The following TCF4 variants were observed in gnomAD, a reference collection of about 807,000 sequenced individuals.
TCF4 encodes SL3-3 enhancer factor 2.
TCF4 carries 3 observed loss-of-function variants against 82.1 expected under a neutral mutation model. The observed-to-expected ratio is 0.04, with a 90% CI of 0.02 to 0.09. The LOEUF (loss-of-function observed/expected upper bound fraction) is 0.09, where lower values mean the gene tolerates loss of function less well. Among genes scored for constraint, TCF4 ranks in the 10% least tolerant of loss-of-function variants. The pLI, the probability that TCF4 is intolerant of heterozygous loss-of-function variation, is 1.00. For synonymous variants in TCF4, 276 were observed against 309.6 expected (o/e 0.89, Z 1.14); for missense variants, 518 against 852.7 (o/e 0.61, Z 4.89).
intron 6 of TCF4, among the ~76,000 whole-genome samples, chr18:55,385,901 G>A (rs1210117305): frequency 1.3e-5 from 2 of 152,214 alleles, no homozygotes; most frequent in Non-Finnish European, 2.9e-5. Flanking sequence ...GCTACTGGGT[G>A]CCAAAGCTGC....
intron 3 of TCF4, among the ~76,000 whole-genome samples, chr18:55,562,545 G>A (rs2097363986): frequency 6.6e-6 from 1 of 152,094 alleles, no homozygotes; most frequent in Non-Finnish European, 1.5e-5. Flanking sequence ...CCTCACAACT[G>A]GGCAGCCCCC....
chr18:55,302,681 T>C (rs1358417684), intron 8 of TCF4: 1 of 1,402,834 alleles, frequency 7.1e-7, no homozygotes, highest in Non-Finnish European at 9.5e-7. Flanking sequence ...TGGGAGGGCC[T>C]AGGATGAGAC....
intron 2 of TCF4, among the ~76,000 whole-genome samples, chr18:55,621,669 TAATATAC>T (rs1568500974): frequency 1.6e-4 from 6 of 36,542 alleles, no homozygotes; most frequent in African/African-American, 5.0e-4. Context: ...ATACATTATA[TAATATAC>T]ATTATATATT....
intron 3 of TCF4, among the ~76,000 whole-genome samples, chr18:55,549,383 T>C (rs959416476): frequency 1.6e-4 from 25 of 152,304 alleles, no homozygotes; most frequent in Admixed American, 1.6e-3. Context: ...CTTATAAGCT[T>C]CTTAACTCTT....
At chr18:55,347,133 C>CT (rs2081344167) in intron 8 of TCF4, among the ~76,000 whole-genome samples, 1 of 152,052 alleles carries the variant, frequency 6.6e-6, no homozygotes, top group South Asian at 2.1e-4. Context: ...GATTCAAGAG[C>CT]TTAGACATGC....
At chr18:55,241,947 T>C (rs892306662) in intron 15 of TCF4, among the ~76,000 whole-genome samples, 9 of 152,224 alleles carry the variant, frequency 5.9e-5, no homozygotes, top group African/African-American at 1.9e-4. Context: ...CCAGGACCAA[T>C]GCAGTTCCCT....
intron 14 of TCF4, 91 bp downstream of exon 14, chr18:55,257,224 G>A (rs1475050606): frequency 2.9e-6 from 4 of 1,368,072 alleles, no homozygotes; most frequent in Non-Finnish European, 2.1e-6. Context: ...TACTAACAGG[G>A]AAAATCAAAA....
At chr18:55,236,295 A>C (rs566090947) in intron 15 of TCF4, among the ~76,000 whole-genome samples, 1 of 152,218 alleles carries the variant, frequency 6.6e-6, no homozygotes, top group South Asian at 2.1e-4. Flanking sequence ...GAACTTTCTG[A>C]ATGGTGGTTA....
At chr18:55,296,257 A>G (rs1282845802) in intron 8 of TCF4, among the ~76,000 whole-genome samples, 2 of 152,178 alleles carry the variant, frequency 1.3e-5, no homozygotes, top group Non-Finnish European at 2.9e-5. Context: ...GTGCATGTCA[A>G]TGACTTACCA....
At chr18:55,364,694 G>T (rs1337120295) in intron 6 of TCF4, among the ~76,000 whole-genome samples, 4 of 152,100 alleles carry the variant, frequency 2.6e-5, no homozygotes, top group Admixed American at 2.6e-4. Flanking sequence ...AGCTGCCAGG[G>T]GAGTCTATCA....
intron 5 of TCF4, among the ~76,000 whole-genome samples, chr18:55,406,268 T>C (rs2094083016): frequency 6.6e-6 from 1 of 152,006 alleles, no homozygotes; most frequent in Non-Finnish European, 1.5e-5. Flanking sequence ...TTTAACTTTA[T>C]TACATCTTTT....
rs1018676162 is a variant in TCF4 at position 55,321,534 on chromosome 18, T to C, written c.549+28825A>G. 6 of 1,290,304 alleles carry C rather than the reference T, an allele frequency of 4.7e-6. No homozygotes were observed. In the African/African-American group the frequency reaches 5.9e-5, roughly 13 times the overall value. The allele number at this position is 1,290,304 out of a possible 1,614,324, so 79.9% of individuals were successfully genotyped here. ...AGAAGAAGATCTTAGGATTGGCAAATGATAAATATTTCATGGCACCCAGGA... is the reference window on the plus strand; with the variant it reads ...AGAAGAAGATCTTAGGATTGGCAAACGATAAATATTTCATGGCACCCAGGA... On this transcript the variant is annotated intron_variant, in intron 8 of 19. Coordinates refer to ENST00000354452, the MANE Select transcript of TCF4 (RefSeq NM_001083962.2).
chr18:55,275,228 C>T (rs905616302), intron 10 of TCF4, among the ~76,000 whole-genome samples: 6 of 143,122 alleles, frequency 4.2e-5, no homozygotes, highest in Non-Finnish European at 7.5e-5. Flanking sequence ...TATAATCTAC[C>T]GACTGTCACT....
intron 3 of TCF4, among the ~76,000 whole-genome samples, chr18:55,552,165 G>A (rs1214023817): frequency 6.6e-6 from 1 of 152,146 alleles, no homozygotes; most frequent in East Asian, 1.9e-4. Context: ...TCCAACTACA[G>A]TGTATGCTTC....
chr18:55,461,036 A>G lies in TCF4; in HGVS notation c.287T>C (p.Val96Ala). 1 of 1,613,296 alleles carries G rather than the reference A, an allele frequency of 6.2e-7. No individual in the cohort carries two copies. Among genetic ancestry groups the G allele is most frequent in the Non-Finnish European group, 8.5e-7 (1 of 1,179,472 alleles). The stretch of plus-strand genomic sequence containing the variant: ...GGTCTTACTTTGTATTCTGGAATTG[A>G]CAAAAGGTGGAGAGAGATTGTCATG... Reference protein sequence around the residue: ...GSHDNLSPPFVNSRIQSKTER... With the variant: ...GSHDNLSPPFANSRIQSKTER... Residue 96 changes from valine (V) to alanine (A), a missense_variant, in exon 5 of 20, where the codon GTC (valine) becomes GCC (alanine). By Grantham distance (64) the Val-to-Ala change is moderately conservative. This residue lies in a region of TCF4 where 80 missense variants were observed against 93.8 expected (regional missense o/e 0.85). Coordinates refer to ENST00000354452, the MANE Select transcript of TCF4 (RefSeq NM_001083962.2).
At position 55,464,065 on chromosome 18, in the gene TCF4, G is replaced by C. The variant is rs1270791586; in HGVS notation, c.207+11C>G. 2 of 1,612,614 alleles carry C rather than the reference G, an allele frequency of 1.2e-6. No homozygotes were observed. The highest frequency in any genetic ancestry group is 2.7e-5 in the African/African-American group (2 of 74,724). On this transcript the variant is annotated intron_variant, in intron 4 of 19. Transcript: ENST00000354452. ...TGTCTGGTTGTGGGAGAAAAGATTAGATATACTTACCCTGGACGGGCTTGG... is the reference window on the plus strand; with the variant it reads ...TGTCTGGTTGTGGGAGAAAAGATTACATATACTTACCCTGGACGGGCTTGG...
intron 3 of TCF4, among the ~76,000 whole-genome samples, chr18:55,483,916 A>C (rs550839709): frequency 1.3e-4 from 20 of 152,216 alleles, no homozygotes; most frequent in Non-Finnish European, 1.9e-4. Context: ...CTAACAATAA[A>C]TATCCTAGAG....
chr18:55,529,862 G>A (rs575088701), intron 3 of TCF4, among the ~76,000 whole-genome samples: 6 of 152,182 alleles, frequency 3.9e-5, no homozygotes, highest in African/African-American at 1.4e-4. Context: ...CCTCCTTGTG[G>A]CCATTTCTGC....
intron 15 of TCF4, among the ~76,000 whole-genome samples, chr18:55,242,975 G>A (rs1371638632): frequency 6.6e-6 from 1 of 152,138 alleles, no homozygotes; most frequent in Non-Finnish European, 1.5e-5. Context: ...ATGTCATAAA[G>A]GAGTACAAGG....
Sources: allele counts gnomAD v4.1 joint callset (sites outside exome capture counted in the v4.1 genomes callset), GRCh38; gene constraint gnomAD v4.1.1; regional missense constraint gnomAD v4.1.1; transcripts MANE v1.5; gene names NCBI Gene and HGNC (gene_info 2026-07-23, HGNC 2026-07-21).